Variants in NRXN3 observed in about 807,000 individuals in gnomAD.
NRXN3 encodes neurexin 3, also known as neurexin III.
NRXN3 carries 32 observed loss-of-function variants against 137.6 expected under a neutral mutation model. The ratio of observed to expected loss-of-function variants is 0.23; its 90% confidence interval spans 0.18 to 0.31. The LOEUF (loss-of-function observed/expected upper bound fraction) is 0.31, where lower values mean the gene tolerates loss of function less well. NRXN3 is among the 10% of genes least tolerant of loss of function. NRXN3 has a pLI of 1.00. For synonymous variants in NRXN3, 798 were observed against 784.5 expected (o/e 1.02, Z -0.29); for missense variants, 1,574 against 2,062.5 (o/e 0.76, Z 4.59).
At chr14:79,231,005 T>G (rs937160474) in intron 15 of NRXN3, among the ~76,000 whole-genome samples, 1 of 152,328 alleles carries the variant, frequency 6.6e-6, no homozygotes, top group African/African-American at 2.4e-5. Flanking sequence ...GCACCTATTT[T>G]GTATGTTAAA....
At chr14:78,439,856 T>C (rs1026479598) in intron 4 of NRXN3, among the ~76,000 whole-genome samples, 2 of 152,202 alleles carry the variant, frequency 1.3e-5, no homozygotes, top group Non-Finnish European at 2.9e-5. Flanking sequence ...GAGTAAATTA[T>C]GTTGCATTTC....
chr14:78,632,113 C>CAA lies in NRXN3; in HGVS notation c.758-12989_758-12988dup, dbSNP rs58767974. Among the ~76,000 whole-genome samples the CAA allele has an allele frequency of 6.7e-4, 50 of 74,976 alleles. 1 individual carries two copies. The highest frequency in any genetic ancestry group is 6.6e-3 in the East Asian group (17 of 2,572). 49.2% of individuals were successfully genotyped at this position (74,976 alleles called of 152,430 possible). ...TGGGCGACAGAGCGAGACTCCGTCTCAAAAAAAAAAAAAAAAAAAGTGGAT... is the reference window on the plus strand; with the variant it reads ...TGGGCGACAGAGCGAGACTCCGTCTCAAAAAAAAAAAAAAAAAAAAAGTGGAT... On this transcript the variant is annotated intron_variant, in intron 4 of 20. Coordinates refer to ENST00000335750, the MANE Select transcript of NRXN3 (RefSeq NM_001330195.2).
Position 78,219,721 on chromosome 14 carries a change from C to G in NRXN3, c.-703-22670C>G, listed in dbSNP as rs2063646911. The stretch of plus-strand genomic sequence containing the variant: ...TGAATCTAAGGAGCTTGGACTCTTT[C>G]CTATTGGCAGAAAGGAGCTTCTTTA... On this transcript the variant is annotated intron_variant, in intron 1 of 20. Coordinates refer to ENST00000335750, the MANE Select transcript of NRXN3 (RefSeq NM_001330195.2). Among the ~76,000 whole-genome samples the G allele has an allele frequency of 2.0e-5, 3 of 152,162 alleles. No homozygotes were observed. The South Asian group carries it at 6.2e-4, about 32-fold the overall frequency.
At chr14:78,567,957 C>T (rs2096851909) in intron 4 of NRXN3, among the ~76,000 whole-genome samples, 1 of 152,122 alleles carries the variant, frequency 6.6e-6, no homozygotes, top group Non-Finnish European at 1.5e-5. Flanking sequence ...TCAGGGTTTT[C>T]ATGATCTTAT....
intron 15 of NRXN3, among the ~76,000 whole-genome samples, chr14:79,174,260 A>G (rs966154807): frequency 3.3e-5 from 5 of 152,186 alleles, no homozygotes; most frequent in Non-Finnish European, 7.3e-5. Flanking sequence ...AAATATGAAT[A>G]AACAATTCAC....
intron 19 of NRXN3, among the ~76,000 whole-genome samples, chr14:79,719,824 T>A (rs1197417335): frequency 6.6e-6 from 1 of 152,050 alleles, no homozygotes; most frequent in Non-Finnish European, 1.5e-5. Flanking sequence ...AGCATGCTTG[T>A]TTATCTATAA....
At chr14:78,813,831 A>C (rs1056427038) in intron 10 of NRXN3, among the ~76,000 whole-genome samples, 1 of 152,124 alleles carries the variant, frequency 6.6e-6, no homozygotes, top group Non-Finnish European at 1.5e-5. Flanking sequence ...CTTGAGGGGA[A>C]AAAAAGCAGT....
intron 19 of NRXN3, among the ~76,000 whole-genome samples, chr14:79,769,565 G>A (rs1008711940): frequency 1.3e-5 from 2 of 151,926 alleles, no homozygotes; most frequent in Non-Finnish European, 2.9e-5. Flanking sequence ...TTACAGACAA[G>A]CAAATGCTGA....
intron 4 of NRXN3, among the ~76,000 whole-genome samples, chr14:78,353,021 A>G (rs897204771): frequency 6.6e-6 from 1 of 152,222 alleles, no homozygotes. Flanking sequence ...AGCAGGGAGT[A>G]AGGATCGATC....
Position 79,131,315 on chromosome 14 carries a change from A to T in NRXN3, c.3262+143174A>T, listed in dbSNP as rs577118970. Among the ~76,000 whole-genome samples the T allele has an allele frequency of 1.4e-3, 217 of 151,698 alleles. 1 individual carries two copies. Among genetic ancestry groups the T allele is most frequent in the African/African-American group, 5.1e-3 (210 of 41,284 alleles). ...TTTCCCCATCTTTGTGGTTTTATCT[A>T]CTTTTGGTCTTTGATGATGGTGATG... On this transcript the variant is annotated intron_variant, in intron 15 of 20. Transcript: ENST00000335750.
At chr14:79,548,638 G>A (rs2097344051) in intron 16 of NRXN3, among the ~76,000 whole-genome samples, 1 of 151,662 alleles carries the variant, frequency 6.6e-6, no homozygotes, top group African/African-American at 2.4e-5. Context: ...GTGAGTGGGA[G>A]CCTTAAATCT....
intron 4 of NRXN3, among the ~76,000 whole-genome samples, chr14:78,535,328 A>T (rs1444524776): frequency 1.3e-5 from 2 of 152,192 alleles, no homozygotes; most frequent in Non-Finnish European, 2.9e-5. Flanking sequence ...ACTCTGGATT[A>T]TGTGGCAAAT....
chr14:79,863,462 A>G lies in NRXN3; in HGVS notation c.*1498A>G, dbSNP rs117180260. ...AAACAACAAAAAAGCAAACCTTAAA[A>G]TGTGAAGAAAGTGTGAATTTTAGTT... On this transcript the variant is annotated 3_prime_UTR_variant, in exon 21 of 21. Coordinates refer to ENST00000335750, the MANE Select transcript of NRXN3 (RefSeq NM_001330195.2). The G allele has an allele frequency of 0.019, 2,962 of 152,392 alleles. 59 individuals carry two copies. Among genetic ancestry groups the G allele is most frequent in the Middle Eastern group, 0.031 (9 of 292 alleles). 9.4% of individuals were successfully genotyped at this position (152,392 alleles called of 1,614,324 possible).
chr14:79,694,992 T>C (rs2098730173), intron 18 of NRXN3, among the ~76,000 whole-genome samples: 1 of 151,962 alleles, frequency 6.6e-6, no homozygotes, highest in African/African-American at 2.4e-5. Flanking sequence ...ACTCCATCAG[T>C]GTCTTATTCT....
intron 8 of NRXN3, among the ~76,000 whole-genome samples, chr14:78,770,139 T>C (rs531944442): frequency 1.3e-5 from 2 of 152,254 alleles, no homozygotes; most frequent in East Asian, 3.9e-4. Context: ...GTTGTAATAG[T>C]TGTAATTTGG....
At chr14:78,912,008 G>A (rs981178056) in intron 10 of NRXN3, among the ~76,000 whole-genome samples, 16 of 151,504 alleles carry the variant, frequency 1.1e-4, no homozygotes, top group African/African-American at 9.7e-5. Flanking sequence ...CCATGTTGGT[G>A]TGCTGCACCC....
chr14:79,223,924 A>T (rs1309269721), intron 15 of NRXN3, among the ~76,000 whole-genome samples: 2 of 151,930 alleles, frequency 1.3e-5, no homozygotes, highest in African/African-American at 4.8e-5. Context: ...TATGATGCTC[A>T]AATATGTTCT....
chr14:78,965,607 G>A (rs2099415976), intron 11 of NRXN3, among the ~76,000 whole-genome samples: 1 of 152,214 alleles, frequency 6.6e-6, no homozygotes, highest in Non-Finnish European at 1.5e-5. Flanking sequence ...CGAGTACTAA[G>A]TGGAGAGTTA....
intron 15 of NRXN3, among the ~76,000 whole-genome samples, chr14:79,384,868 T>G (rs1271036611): frequency 6.6e-6 from 1 of 152,204 alleles, no homozygotes; most frequent in Admixed American, 6.5e-5. Context: ...GTAAGTAAAA[T>G]AACCCAGCTA....
Sources: allele counts gnomAD v4.1 joint callset (sites outside exome capture counted in the v4.1 genomes callset), GRCh38; gene constraint gnomAD v4.1.1; transcripts MANE v1.5; gene names NCBI Gene and HGNC (gene_info 2026-07-23, HGNC 2026-07-21).